Variants in CRX observed in about 807,000 individuals in gnomAD.
The protein encoded by CRX is cone-rod homeobox protein.
CRX carries 5 observed loss-of-function variants against 13.1 expected under a neutral mutation model. That is an observed-to-expected ratio of 0.38 (90% CI 0.20 to 0.80). The LOEUF is 0.80. Ranked by LOEUF, CRX falls within the 30% of genes least tolerant of loss-of-function variation. The probability of loss-of-function intolerance (pLI) is 0.43; values close to 1 mark genes in which losing one functional copy is unlikely to be tolerated. For synonymous variants in CRX, 179 were observed against 171.1 expected (o/e 1.05, Z -0.36); for missense variants, 351 against 391.8 (o/e 0.90, Z 0.88).
intron 1 of CRX, among the ~76,000 whole-genome samples, chr19:47,826,067 G>C (rs1161261216): frequency 1.3e-5 from 2 of 152,218 alleles, no homozygotes; most frequent in African/African-American, 4.8e-5. Context: ...TTTTGTTCCA[G>C]GCCCTGCAAA....
In CRX at chr19:47,839,225, C is replaced by G; in HGVS notation, c.253-95C>G. ...AAGTAGACAGATGTGAACCCAGCAC[C>G]TCTCACCAATAAGTGTCCTCATCCC... On this transcript the variant is annotated intron_variant, in intron 3 of 3. Transcript: ENST00000221996. This position sits in a 1 kb window ranked among gnomAD's most constrained non-coding sequence, Gnocchi z 4.6. 7.4e-7 allele frequency: 1 copy of G among 1,354,062 alleles called. No homozygotes were observed. Among genetic ancestry groups the G allele is most frequent in the Non-Finnish European group, 1.0e-6 (1 of 986,054 alleles). 83.9% of individuals were successfully genotyped at this position (1,354,062 alleles called of 1,614,324 possible).
rs1018105035 is a variant in CRX at position 47,834,467 on chromosome 19, G to C, written c.24G>C (p.Gly8=). The part of the protein sequence containing the change: MMAYMNP[G]PHYSVNALAL... ...TCATGATGGCGTATATGAACCCGGG[G>C]CCCCACTATTCTGTCAACGCCTTGG... Residue 8 remains glycine, a synonymous_variant, in exon 2 of 4, where the codon GGG becomes GGC. Coordinates refer to ENST00000221996, the MANE Select transcript of CRX (RefSeq NM_000554.6). 2.1e-5 allele frequency: 34 copies of C among 1,614,138 alleles called. No homozygotes were observed. The highest frequency in any genetic ancestry group is 2.8e-5 in the Non-Finnish European group (33 of 1,180,030).
At position 47,840,102 on chromosome 19, in the gene CRX, G is replaced by T. The variant is rs1446379495; in HGVS notation, c.*135G>T. 9.6e-7 allele frequency: 1 copy of T among 1,044,190 alleles called. No homozygotes were observed. Among genetic ancestry groups the T allele is most frequent in the Non-Finnish European group, 1.4e-6 (1 of 704,092 alleles). 64.7% of individuals were successfully genotyped at this position (1,044,190 alleles called of 1,614,324 possible). A position where few individuals can be genotyped will look rare whatever the true frequency, so the allele number is the denominator to read the frequency against. On this transcript the variant is annotated 3_prime_UTR_variant, in exon 4 of 4. Transcript: ENST00000221996. ...CCAGCTGTCCTTCTGACAGCTCGGTGTTCAGCTTACAGAGACCACCCCTTT... is the reference window on the plus strand; with the variant it reads ...CCAGCTGTCCTTCTGACAGCTCGGTTTTCAGCTTACAGAGACCACCCCTTT...
In CRX at chr19:47,841,071, C is replaced by T. The variant is rs1435643613; in HGVS notation, c.*1104C>T. 6.6e-6 allele frequency: 1 copy of T among 152,132 alleles called. No homozygotes were observed. The highest frequency in any genetic ancestry group is 1.5e-5 in the Non-Finnish European group (1 of 68,032). The allele number at this position is 152,132 out of a possible 1,614,324, so 9.4% of individuals were successfully genotyped here. On this transcript the variant is annotated 3_prime_UTR_variant, in exon 4 of 4. Transcript: ENST00000221996. Reference sequence around the variant, plus strand: ...GGGACCTTTCTAGAAATTCCAAAGACAGACTTTAAGAAGCCCCGTCGGGAA... The same window carrying T: ...GGGACCTTTCTAGAAATTCCAAAGATAGACTTTAAGAAGCCCCGTCGGGAA...
intron 3 of CRX, among the ~76,000 whole-genome samples, chr19:47,838,381 A>G (rs1042926219): frequency 2.0e-5 from 3 of 152,082 alleles, no homozygotes; most frequent in African/African-American, 7.2e-5. Context: ...AGATGGATAA[A>G]TGAAATGTGT....
chr19:47,841,454 C>T lies in CRX; in HGVS notation c.*1487C>T, dbSNP rs1223012132. 3 of 151,942 alleles carry T rather than the reference C, an allele frequency of 2.0e-5. No homozygotes were observed. The highest frequency in any genetic ancestry group is 4.4e-5 in the Non-Finnish European group (3 of 68,012). The allele number at this position is 151,942 out of a possible 1,614,324, so 9.4% of individuals were successfully genotyped here. A position where few individuals can be genotyped will look rare whatever the true frequency, so the allele number is the denominator to read the frequency against. The stretch of plus-strand genomic sequence containing the variant: ...GTACCACCTATAGTTGTGGCTATTT[C>T]ACAGAGAAGCAGCAGCTAGACAGAC... On this transcript the variant is annotated 3_prime_UTR_variant, in exon 4 of 4. Coordinates refer to ENST00000221996, the MANE Select transcript of CRX (RefSeq NM_000554.6).
Position 47,839,425 on chromosome 19 carries a change from A to G in CRX, c.358A>G (p.Lys120Glu). 6.2e-7 allele frequency: 1 copy of G among 1,613,776 alleles called. No homozygotes were observed. Among genetic ancestry groups the G allele is most frequent in the South Asian group, 1.1e-5 (1 of 91,084 alleles). The change falls in exon 4 of 4, where the codon AAG becomes GAG. Residue 120 changes from lysine (K) to glutamate (E), a missense_variant. By Grantham distance (56) the Lys-to-Glu change is moderately conservative. Coordinates refer to ENST00000221996, the MANE Select transcript of CRX (RefSeq NM_000554.6). This position sits in a 1 kb window ranked among gnomAD's most constrained non-coding sequence, Gnocchi z 4.6. ...GGCCAAGGCCCGGCCTGCCAAGAGG[A>G]AGGCGGGCACGTCCCCAAGACCCTC... ...GQAKARPAKR[K>E]AGTSPRPSTD... is the part of the protein sequence containing the mutation.
In CRX at chr19:47,828,688, G is replaced by C. The variant is rs182932621; in HGVS notation, c.-35-5721G>C. On this transcript the variant is annotated intron_variant, in intron 1 of 3. Coordinates refer to ENST00000221996, the MANE Select transcript of CRX (RefSeq NM_000554.6). ...CTGGGGAAAGTAGCTGAGCTGAGAC[G>C]TGGAGGAGAAGGGGTTAGCTGGTGA... 2.0e-5 allele frequency among the ~76,000 whole-genome samples: 3 copies of C among 151,288 alleles called. No homozygotes were observed. The Admixed American group carries it at 2.0e-4, about 10-fold the overall frequency.
chr19:47,827,836 TAAAAAAAAAAAAAAAAAAAA>T (rs1156465404), intron 1 of CRX, among the ~76,000 whole-genome samples: 2 of 41,732 alleles, frequency 4.8e-5, no homozygotes, highest in East Asian at 1.1e-3. Flanking sequence ...GCATCTTTAT[TAAAAAAAAAAAAAAAAAAAA>T]AAAAAAAAAA....
In CRX at chr19:47,836,228, C is replaced by A. The variant is rs1218994040; in HGVS notation, c.101-15C>A. 6.2e-7 allele frequency: 1 copy of A among 1,614,116 alleles called. No homozygotes were observed. Among genetic ancestry groups the A allele is most frequent in the Admixed American group, 1.7e-5 (1 of 60,014 alleles). On this transcript the variant is annotated splice_polypyrimidine_tract_variant and intron_variant, in intron 2 of 3. Transcript: ENST00000221996. The stretch of plus-strand genomic sequence containing the variant: ...TGTGGATGACCTGAGGGTCCTGTTT[C>A]CCATCCCACCCCAGGCGCCCCCAGG...
chr19:47,833,215 G>C (rs1367782310), intron 1 of CRX, among the ~76,000 whole-genome samples: 1 of 151,722 alleles, frequency 6.6e-6, no homozygotes, highest in African/African-American at 2.4e-5. Flanking sequence ...TGGGATTACA[G>C]GTGTGAGCCG....
intron 1 of CRX, among the ~76,000 whole-genome samples, chr19:47,833,279 G>T (rs998038820): frequency 2.4e-4 from 35 of 145,766 alleles, no homozygotes; most frequent in African/African-American, 7.6e-4. Context: ...TTGTTTTTTT[G>T]TTTTGTTTTG....
intron 2 of CRX, among the ~76,000 whole-genome samples, 154 bp from the exon 3 acceptor site, chr19:47,836,089 C>T (rs566305631): frequency 2.6e-5 from 4 of 152,294 alleles, no homozygotes; most frequent in Non-Finnish European, 4.4e-5. Context: ...GTGCCAGGCA[C>T]ACAGTGAGGT....
rs1429969809 is a variant in CRX at position 47,841,378 on chromosome 19, A to T, written c.*1411A>T. 1.3e-5 allele frequency: 2 copies of T among 151,988 alleles called. No homozygotes were observed. The highest frequency in any genetic ancestry group is 4.1e-4 in the South Asian group (2 of 4,820). The allele number at this position is 151,988 out of a possible 1,614,324, so 9.4% of individuals were successfully genotyped here. Reference sequence around the variant, plus strand: ...CTCTACTCCTTTTTTCTTTTGTTTTAGGATTTTCTAAAGGTGAGACACTGG... The same window carrying T: ...CTCTACTCCTTTTTTCTTTTGTTTTTGGATTTTCTAAAGGTGAGACACTGG... On this transcript the variant is annotated 3_prime_UTR_variant, in exon 4 of 4. Transcript: ENST00000221996.
chr19:47,836,112 G>A (rs575009671), intron 2 of CRX, 131 bp from the exon 3 acceptor site: 216 of 1,148,408 alleles, frequency 1.9e-4, no homozygotes, highest in Admixed American at 2.6e-4. Context: ...AGAAGGGCAG[G>A]GAATGTGTAT....
In CRX at chr19:47,841,163, G is replaced by A. The variant is rs575253687; in HGVS notation, c.*1196G>A. On this transcript the variant is annotated 3_prime_UTR_variant, in exon 4 of 4. Transcript: ENST00000221996. ...TGGGAATTTCACAGACTTCACAAAT[G>A]TCAGGCTTACATGGTAGGTTTAGGG... 5 of 152,314 alleles carry A rather than the reference G, an allele frequency of 3.3e-5. No homozygotes were observed. The highest frequency in any genetic ancestry group is 1.9e-4 in the East Asian group (1 of 5,192). The allele number at this position is 152,314 out of a possible 1,614,324, so 9.4% of individuals were successfully genotyped here. A position where few individuals can be genotyped will look rare whatever the true frequency, so the allele number is the denominator to read the frequency against.
In CRX at chr19:47,840,401, TTG is replaced by T; in HGVS notation, c.*436_*437del. 9.2e-6 allele frequency: 2 copies of T among 217,414 alleles called. No homozygotes were observed. Among genetic ancestry groups the T allele is most frequent in the East Asian group, 1.2e-4 (1 of 8,288 alleles). 13.5% of individuals were successfully genotyped at this position (217,414 alleles called of 1,614,324 possible). A position where few individuals can be genotyped will look rare whatever the true frequency, so the allele number is the denominator to read the frequency against. ...TTCCACGTGGACAGAATTTTTTTTT[TTG>T]TTTTGTTTTTGTTTTGCAGACACAG... On this transcript the variant is annotated 3_prime_UTR_variant, in exon 4 of 4. Transcript: ENST00000221996.
At position 47,839,739 on chromosome 19, in the gene CRX, C is replaced by G. The variant is rs762635822; in HGVS notation, c.672C>G (p.Pro224=). ...GCGGCCTAGACCCCTACCTTTCTCC[C>G]ATGGTGCCCCAGCTAGGGGGCCCGG... ...YFSGLDPYLS[P]MVPQLGGPAL... Residue 224 remains proline (P), a synonymous_variant, in exon 4 of 4, where the codon CCC becomes CCG. Coordinates refer to ENST00000221996, the MANE Select transcript of CRX (RefSeq NM_000554.6). The surrounding 1 kb of genome is among the most constrained non-coding windows in gnomAD (Gnocchi z 4.6). The G allele has an allele frequency of 6.2e-7, 1 of 1,614,116 alleles. No homozygotes were observed. The highest frequency in any genetic ancestry group is 8.5e-7 in the Non-Finnish European group (1 of 1,180,004).
At position 47,830,793 on chromosome 19, in the gene CRX, TA is replaced by T. The variant is rs36112007; in HGVS notation, c.-35-3602del. Among the ~76,000 whole-genome samples, 660 of 137,750 alleles carry T rather than the reference TA, an allele frequency of 4.8e-3. 12 individuals are homozygous for T. In the East Asian group the frequency reaches 0.065, roughly 14 times the overall value. 90.4% of individuals were successfully genotyped at this position (137,750 alleles called of 152,430 possible). ...CCTGGGCGACAGAACAAGACTCCAT[TA>T]AAAAAAAAAAAAAGGAGAATTTGAT... On this transcript the variant is annotated intron_variant, in intron 1 of 3. Coordinates refer to ENST00000221996, the MANE Select transcript of CRX (RefSeq NM_000554.6).
Sources: gnomAD v4.1 joint callset for allele counts (sites outside exome capture counted in the v4.1 genomes callset) on GRCh38, gnomAD v4.1.1 for gene constraint, Gnocchi (gnomAD v3.1) non-coding constraint, MANE v1.5 for transcripts, NCBI Gene and HGNC (gene_info 2026-07-23, HGNC 2026-07-21) for gene names.